The following PPP2R1B variants were observed in gnomAD, a reference collection of about 807,000 sequenced individuals.
PPP2R1B encodes the protein serine/threonine-protein phosphatase 2A 65 kDa regulatory subunit A beta isoform.
A neutral mutation model predicts 72.7 loss-of-function variants in PPP2R1B; 58 were observed. The observed-to-expected ratio is 0.80, with a 90% CI of 0.65 to 0.99. The LOEUF is 0.99. Ranked by LOEUF, PPP2R1B falls within the 50% of genes least tolerant of loss-of-function variation. The pLI is 0.00. For synonymous variants in PPP2R1B, 256 were observed against 264.6 expected (o/e 0.97, Z 0.32); for missense variants, 695 against 733.6 (o/e 0.95, Z 0.61).
At chr11:111,747,586 G>A (rs1474785088) in intron 11 of PPP2R1B, among the ~76,000 whole-genome samples, 1 of 152,134 alleles carries the variant, frequency 6.6e-6, no homozygotes, top group African/African-American at 2.4e-5. Context: ...CCTTTCATCT[G>A]ATTCCAATCT....
At chr11:111,688,187 A>G in the PPP2R1B span, 1 of 1,613,404 alleles carries the variant, frequency 6.2e-7, no homozygotes, top group Non-Finnish European at 8.5e-7. This position sits in a 1 kb window ranked among gnomAD's most constrained non-coding sequence, Gnocchi z 4.2. Flanking sequence ...ACTGGCTCTA[A>G]TAAGATCCGA....
the PPP2R1B span, chr11:111,705,200 T>C: frequency 6.9e-7 from 1 of 1,444,974 alleles, no homozygotes; most frequent in Non-Finnish European, 9.1e-7. The surrounding 1 kb of genome is among the most constrained non-coding windows in gnomAD (Gnocchi z 4.3). Flanking sequence ...GTTTGATACA[T>C]TTTTCATCTT....
chr11:111,736,213 G>A (rs993267960), downstream of PPP2R1B, among the ~76,000 whole-genome samples: 6 of 152,172 alleles, frequency 3.9e-5, no homozygotes, highest in Non-Finnish European at 8.8e-5. Context: ...CAAGGCTCGA[G>A]TAACGGCAAC....
At chr11:111,744,743 T>C (rs1265231230) in intron 11 of PPP2R1B, among the ~76,000 whole-genome samples, 1 of 152,108 alleles carries the variant, frequency 6.6e-6, no homozygotes, top group East Asian at 1.9e-4. Flanking sequence ...TATACAAGCC[T>C]CCAACCAAGA....
chr11:111,724,389 T>C, downstream of PPP2R1B: 2 of 508,048 alleles, frequency 3.9e-6, no homozygotes, highest in Non-Finnish European at 7.1e-6. Flanking sequence ...TGGAGCAAGC[T>C]CTCGAGGGCA....
the PPP2R1B span, among the ~76,000 whole-genome samples, chr11:111,705,831 GT>G: frequency 1.3e-5 from 2 of 152,190 alleles, no homozygotes; most frequent in Non-Finnish European, 2.9e-5. This position sits in a 1 kb window ranked among gnomAD's most constrained non-coding sequence, Gnocchi z 4.3. Context: ...TGAAGGATGG[GT>G]CAGATAGAGA....
Position 111,742,646 on chromosome 11 carries a change from C to T in PPP2R1B, c.1574G>A (p.Gly525Asp). ...CATTTGCTTAGTAGTTATTTCCTGA[C>T]CACAGGCCTCAGACAGTGCCTAGAA... is the stretch of plus-strand genomic sequence containing the variant. ...FCINALSEAC[G>D]QEITTKQMLP... The change falls in exon 13 of 15, where the codon GGT becomes GAT. Residue 525 changes from glycine (G) to aspartate (D), a missense_variant. Transcript: ENST00000527614. 6.2e-7 allele frequency: 1 copy of T among 1,612,716 alleles called. No homozygotes were observed. Among genetic ancestry groups the T allele is most frequent in the Non-Finnish European group, 8.5e-7 (1 of 1,179,540 alleles).
In PPP2R1B at chr11:111,755,373, C is replaced by G. The variant is rs781957308; in HGVS notation, c.765G>C (p.Leu255Phe). ...CTGCTTGTCGAAGTGTAGGCATCAC[C>G]AAAGTCTCAAGGTCATCCTGAGACA... is the stretch of plus-strand genomic sequence containing the variant. The part of the protein sequence containing the change: ...QLLSQDDLET[L>F]VMPTLRQAAE... Residue 255 changes from leucine (L) to phenylalanine (F), a missense_variant, in exon 6 of 15, where the codon TTG (leucine) becomes TTC (phenylalanine). Leu to Phe is a conservative substitution (Grantham distance 22, BLOSUM62 0). Transcript: ENST00000527614. 6.2e-6 allele frequency: 10 copies of G among 1,613,932 alleles called. No individual in the cohort carries two copies. The highest frequency in any genetic ancestry group is 8.5e-6 in the Non-Finnish European group (10 of 1,179,982).
Position 111,740,992 on chromosome 11 carries a change from A to G in PPP2R1B, c.*604T>C. Reference sequence around the variant, plus strand: ...TCAGGTTTCTGAATGACATGAGTACAGACAAAATTGAGCAAATAAAAACCA... The same window carrying G: ...TCAGGTTTCTGAATGACATGAGTACGGACAAAATTGAGCAAATAAAAACCA... On this transcript the variant is annotated 3_prime_UTR_variant, in exon 15 of 15. Transcript: ENST00000527614. 1.0e-6 allele frequency: 1 copy of G among 985,754 alleles called. No individual in the cohort carries two copies. Among genetic ancestry groups the G allele is most frequent in the Non-Finnish European group, 1.2e-6 (1 of 830,156 alleles). 61.1% of individuals were successfully genotyped at this position (985,754 alleles called of 1,614,324 possible). A position where few individuals can be genotyped will look rare whatever the true frequency, so the allele number is the denominator to read the frequency against.
the PPP2R1B span, among the ~76,000 whole-genome samples, chr11:111,707,029 A>G: frequency 1.3e-5 from 2 of 152,036 alleles, no homozygotes; most frequent in African/African-American, 4.8e-5. Flanking sequence ...AGTTCCAGAC[A>G]CTTGAGTTAG....
intron 3 of PPP2R1B, 22 bp downstream of exon 3, chr11:111,764,783 T>A (rs1565485369): frequency 1.2e-6 from 2 of 1,610,966 alleles, no homozygotes; most frequent in East Asian, 4.5e-5. Context: ...AGAAGGAGGG[T>A]AGGCAGCTTA....
chr11:111,722,752 C>T, downstream of PPP2R1B: 1 of 1,613,762 alleles, frequency 6.2e-7, no homozygotes, highest in Non-Finnish European at 8.5e-7. This position sits in a 1 kb window ranked among gnomAD's most constrained non-coding sequence, Gnocchi z 4.4. Context: ...GCTGCAGGAA[C>T]ATAGGTGAGA....
At position 111,743,425 on chromosome 11, in the gene PPP2R1B, G is replaced by A. The variant is rs201993418; in HGVS notation, c.1505C>T (p.Ala502Val). The change falls in exon 12 of 15, where the codon GCA becomes GTA. Residue 502 changes from alanine to valine, a missense_variant. Coordinates refer to ENST00000527614, the MANE Select transcript of PPP2R1B (RefSeq NM_002716.5). ...NTIVPKVLVM[A>V]NDPNYLHRMT... ...TCTATGCAAGTAATTAGGATCATTT[G>A]CCATTACTAACACTTTGGGAACAAT... 1 of 1,612,800 alleles carries A rather than the reference G, an allele frequency of 6.2e-7. No individual in the cohort carries two copies. The highest frequency in any genetic ancestry group is 1.3e-5 in the African/African-American group (1 of 74,976).
the PPP2R1B span, among the ~76,000 whole-genome samples, chr11:111,708,194 C>T: frequency 6.6e-6 from 1 of 152,108 alleles, no homozygotes; most frequent in South Asian, 2.1e-4. Flanking sequence ...CCAGCCTGGG[C>T]AACATGGTGA....
In PPP2R1B at chr11:111,742,884, GT is replaced by G. The variant is rs138892437; in HGVS notation, c.1555-220del. The stretch of plus-strand genomic sequence containing the variant: ...TTAAAATACTGTAGTTTTGTTCTTT[GT>G]TTTTTTTTTTTTCAGGCGGAGTTTT... On this transcript the variant is annotated intron_variant, in intron 12 of 14. Coordinates refer to ENST00000527614, the MANE Select transcript of PPP2R1B (RefSeq NM_002716.5). Among the ~76,000 whole-genome samples the G allele has an allele frequency of 9.5e-3, 1,355 of 142,322 alleles. 9 individuals carry two copies. Among genetic ancestry groups the G allele is most frequent in the Middle Eastern group, 0.059 (16 of 272 alleles). The allele number at this position is 142,322 out of a possible 152,430, so 93.4% of individuals were successfully genotyped here.
chr11:111,703,158 T>C, the PPP2R1B span: 1 of 1,571,094 alleles, frequency 6.4e-7, no homozygotes, highest in South Asian at 1.1e-5. Flanking sequence ...AACCCTGAAG[T>C]GCAAGGTGAT....
chr11:111,740,985 T>C lies in PPP2R1B; in HGVS notation c.*611A>G, dbSNP rs1944497359. 2 of 985,660 alleles carry C rather than the reference T, an allele frequency of 2.0e-6. No individual in the cohort carries two copies. The highest frequency in any genetic ancestry group is 2.4e-6 in the Non-Finnish European group (2 of 830,114). 61.1% of individuals were successfully genotyped at this position (985,660 alleles called of 1,614,324 possible). Reference sequence around the variant, plus strand: ...CCACACTTCAGGTTTCTGAATGACATGAGTACAGACAAAATTGAGCAAATA... The same window carrying C: ...CCACACTTCAGGTTTCTGAATGACACGAGTACAGACAAAATTGAGCAAATA... On this transcript the variant is annotated 3_prime_UTR_variant, in exon 15 of 15. Coordinates refer to ENST00000527614, the MANE Select transcript of PPP2R1B (RefSeq NM_002716.5).
chr11:111,754,371 T>C (rs1945022138), intron 8 of PPP2R1B, 128 bp downstream of exon 8: 6 of 1,273,834 alleles, frequency 4.7e-6, no homozygotes, highest in Non-Finnish European at 5.3e-6. Flanking sequence ...CATTAACACA[T>C]CTTCCCCATT....
In PPP2R1B at chr11:111,743,375, C is replaced by G; in HGVS notation, c.1554+1G>C. On this transcript the variant is annotated splice_donor_variant, in intron 12 of 14. Coordinates refer to ENST00000527614, the MANE Select transcript of PPP2R1B (RefSeq NM_002716.5). LOFTEE classifies it high-confidence loss of function. ...AGCAATAACAGTTATGTTATACTTA[C>G]ATTAATGCAGAATAAAGTGGTCATT... 2 of 1,603,664 alleles carry G rather than the reference C, an allele frequency of 1.2e-6. No homozygotes were observed. The highest frequency in any genetic ancestry group is 1.7e-6 in the Non-Finnish European group (2 of 1,173,316).
Sources: allele counts gnomAD v4.1 joint callset (sites outside exome capture counted in the v4.1 genomes callset), GRCh38; gene constraint gnomAD v4.1.1; non-coding constraint Gnocchi (gnomAD v3.1); transcripts MANE v1.5; gene names NCBI Gene and HGNC (gene_info 2026-07-23, HGNC 2026-07-21).